PRRC2C: variants seen among roughly 807,000 people sequenced by gnomAD.
PRRC2C encodes proline rich coiled-coil 2C, also known as protein PRRC2C.
Under a neutral mutation model 317.2 loss-of-function variants are expected in PRRC2C, and 72 were observed. The observed-to-expected ratio is 0.23, with a 90% CI of 0.19 to 0.28. The LOEUF is 0.28. Ranked by LOEUF, PRRC2C falls within the 10% of genes least tolerant of loss-of-function variation. The pLI, the probability that PRRC2C is intolerant of heterozygous loss-of-function variation, is 1.00. For synonymous variants in PRRC2C, 1,296 were observed against 1,205.9 expected (o/e 1.07, Z -1.55); for missense variants, 3,074 against 3,459.7 (o/e 0.89, Z 2.80).
Position 171,587,055 on chromosome 1 carries a change from C to T in PRRC2C, c.7802C>T (p.Thr2601Ile), listed in dbSNP as rs1235720423. 1.9e-6 allele frequency: 3 copies of T among 1,611,834 alleles called. No homozygotes were observed. The change falls in exon 31 of 35, where the codon ACA (threonine) becomes ATA (isoleucine). Residue 2601 changes from threonine to isoleucine, a missense_variant. Physicochemically the swap from Thr to Ile is moderately conservative, Grantham distance 89. This residue lies in a region of PRRC2C where 490 missense variants were observed against 663.1 expected (regional missense o/e 0.74). Transcript: ENST00000647382. ...CTTTCCTTGCCTAATTTTGGATCTACAGGGCAACCTCTAATTGCTTTGCCT... is the reference window on the plus strand; with the variant it reads ...CTTTCCTTGCCTAATTTTGGATCTATAGGGCAACCTCTAATTGCTTTGCCT... Reference protein sequence around the residue: ...SQLSLPNFGSTGQPLIALPQT... With the variant: ...SQLSLPNFGSIGQPLIALPQT...
chr1:171,568,372 G>T, intron 23 of PRRC2C, 33 bp downstream of exon 23: 2 of 1,569,338 alleles, frequency 1.3e-6, no homozygotes, highest in Non-Finnish European at 1.7e-6. Context: ...GGCAAGTTTG[G>T]ATTGGAACCT....
chr1:171,490,871 G>A (rs1011613700), intron 1 of PRRC2C, among the ~76,000 whole-genome samples: 2 of 152,150 alleles, frequency 1.3e-5, no homozygotes, highest in African/African-American at 4.8e-5. Context: ...TAAAACCTAG[G>A]TTTAGTCCTT....
At chr1:171,513,987 C>T (rs1002236678) in intron 3 of PRRC2C, among the ~76,000 whole-genome samples, 2 of 152,116 alleles carry the variant, frequency 1.3e-5, no homozygotes, top group Admixed American at 1.3e-4. Flanking sequence ...TAAGCATTAC[C>T]TCATTACAAG....
Position 171,579,413 on chromosome 1 carries a change from T to C in PRRC2C, c.7219T>C (p.Leu2407=), listed in dbSNP as rs980141045. 3.7e-6 allele frequency: 6 copies of C among 1,613,928 alleles called. No homozygotes were observed. Among genetic ancestry groups the C allele is most frequent in the Non-Finnish European group, 5.1e-6 (6 of 1,179,884 alleles). The change falls in exon 27 of 35, where the codon TTG becomes CTG. Residue 2407 remains leucine (L), a synonymous_variant. Coordinates refer to ENST00000647382, the MANE Select transcript of PRRC2C (RefSeq NM_001387844.1). ...SHLFNTQHAR[L]APPSLAQQQG... Reference sequence around the variant, plus strand: ...TTTATTCAATACCCAACATGCACGATTGGCTCCGCCATCCTTGGCTCAACA... The same window carrying C: ...TTTATTCAATACCCAACATGCACGACTGGCTCCGCCATCCTTGGCTCAACA...
rs1677697360 is a variant in PRRC2C, at chr1:171,540,147, A to G, written c.2681A>G (p.Gln894Arg). ...CCTCACCATACTGATGCAAATAATC[A>G]GTCTGCTTGTTTTGAAGCACCTGAT... Reference protein sequence around the residue: ...VRPHHTDANNQSACFEAPDQK... With the variant: ...VRPHHTDANNRSACFEAPDQK... The change falls in exon 16 of 35, where the codon CAG becomes CGG. Residue 894 changes from glutamine (Q) to arginine (R), a missense_variant. Gln to Arg is a conservative substitution (Grantham distance 43). Around this residue, in one of 11 missense-constraint regions of PRRC2C, gnomAD observed 1,320 missense variants for 1,395.7 expected, o/e 0.95. Coordinates refer to ENST00000647382, the MANE Select transcript of PRRC2C (RefSeq NM_001387844.1). 1 of 1,613,884 alleles carries G rather than the reference A, an allele frequency of 6.2e-7. No homozygotes were observed. Among genetic ancestry groups the G allele is most frequent in the South Asian group, 1.1e-5 (1 of 91,082 alleles).
chr1:171,582,070 C>T (rs962295509), intron 28 of PRRC2C, among the ~76,000 whole-genome samples: 1 of 152,120 alleles, frequency 6.6e-6, no homozygotes, highest in Non-Finnish European at 1.5e-5. Flanking sequence ...CTGACATGAG[C>T]TACTACTGTG....
Position 171,523,337 on chromosome 1 carries a change from C to T in PRRC2C, c.950C>T (p.Ala317Val), listed in dbSNP as rs1262591087. 5 of 1,613,788 alleles carry T rather than the reference C, an allele frequency of 3.1e-6. No individual in the cohort carries two copies. Among genetic ancestry groups the T allele is most frequent in the East Asian group, 4.5e-5 (2 of 44,880 alleles). ...AAATTTGATAACCTAGATGCTGAAG[C>T]TGATGAAGGTTGGGCAGGTAAGAGG... ...LDKFDNLDAE[A>V]DEGWAGAQME... Residue 317 changes from alanine (A) to valine (V), a missense_variant, in exon 8 of 35, where the codon GCT becomes GTT. Physicochemically the swap from Ala to Val is moderately conservative, Grantham distance 64. Coordinates refer to ENST00000647382, the MANE Select transcript of PRRC2C (RefSeq NM_001387844.1).
At chr1:171,530,243 CTTTTTTTTTTTT>C (rs778215422) in intron 11 of PRRC2C, among the ~76,000 whole-genome samples, 1 of 63,286 alleles carries the variant, frequency 1.6e-5, no homozygotes, top group Non-Finnish European at 2.9e-5. Context: ...TGTAGCTGGG[CTTTTTTTTTTTT>C]TTTTTTTTTT....
At chr1:171,571,283 ATAGT>A in intron 23 of PRRC2C, 33 bp from the exon 24 acceptor site, 1 of 1,246,606 alleles carries the variant, frequency 8.0e-7, no homozygotes, top group Non-Finnish European at 1.2e-6. Context: ...TAGTAGACAC[ATAGT>A]TAGATTGTGA....
At chr1:171,491,960 T>C (rs954990528) in intron 1 of PRRC2C, among the ~76,000 whole-genome samples, 1 of 152,186 alleles carries the variant, frequency 6.6e-6, no homozygotes, top group Non-Finnish European at 1.5e-5. Flanking sequence ...TAGCTCTTAA[T>C]TGAAGAAGCA....
chr1:171,562,252 G>A (rs1682853989), intron 20 of PRRC2C, among the ~76,000 whole-genome samples: 1 of 152,144 alleles, frequency 6.6e-6, no homozygotes, highest in African/African-American at 2.4e-5. Context: ...GTTTGTTTGA[G>A]GAAGTTCAGG....
At chr1:171,587,502 A>G (rs1650311161) in intron 31 of PRRC2C, 146 bp from the exon 32 acceptor site, 3 of 636,138 alleles carry the variant, frequency 4.7e-6, no homozygotes, top group Middle Eastern at 3.8e-4. Flanking sequence ...AGGTAATTCC[A>G]TAATACTTGA....
chr1:171,550,524 T>G (rs1349173533), intron 18 of PRRC2C, among the ~76,000 whole-genome samples: 3 of 151,884 alleles, frequency 2.0e-5, no homozygotes, highest in Non-Finnish European at 2.9e-5. Context: ...ACATGCAGGT[T>G]TGTTACATAT....
At position 171,566,826 on chromosome 1, in the gene PRRC2C, T is replaced by A; in HGVS notation, c.6541T>A (p.Tyr2181Asn). Reference protein sequence around the residue: ...GTMISVSSAEYGTNAKESVTD... With the variant: ...GTMISVSSAENGTNAKESVTD... The stretch of plus-strand genomic sequence containing the variant: ...AATGATCTCGGTATCATCTGCAGAA[T>A]ATGGTACTAATGCAAAGGTAAGCCA... Residue 2181 changes from tyrosine to asparagine, a missense_variant, in exon 22 of 35, where the codon TAT (tyrosine) becomes AAT (asparagine). By Grantham distance (143) the Tyr-to-Asn change is moderately radical. Coordinates refer to ENST00000647382, the MANE Select transcript of PRRC2C (RefSeq NM_001387844.1). 5 of 1,613,016 alleles carry A rather than the reference T, an allele frequency of 3.1e-6. No homozygotes were observed. The highest frequency in any genetic ancestry group is 3.4e-6 in the Non-Finnish European group (4 of 1,179,686).
chr1:171,540,539 G>A lies in PRRC2C; in HGVS notation c.3073G>A (p.Asp1025Asn). Reference sequence around the variant, plus strand: ...TCCCATTAAAAAACCTGTACTTAGAGATATGAAAGAGGAACGGGAACAGAG... The same window carrying A: ...TCCCATTAAAAAACCTGTACTTAGAAATATGAAAGAGGAACGGGAACAGAG... Reference protein sequence around the residue: ...SGPIKKPVLRDMKEEREQRKE... With the variant: ...SGPIKKPVLRNMKEEREQRKE... Residue 1025 changes from aspartate (D) to asparagine (N), a missense_variant, in exon 16 of 35, where the codon GAT becomes AAT. Physicochemically the swap from Asp to Asn is conservative, Grantham distance 23. Around this residue, in one of 11 missense-constraint regions of PRRC2C, gnomAD observed 1,320 missense variants for 1,395.7 expected, o/e 0.95. Coordinates refer to ENST00000647382, the MANE Select transcript of PRRC2C (RefSeq NM_001387844.1). The A allele has an allele frequency of 6.2e-7, 1 of 1,613,676 alleles. No individual in the cohort carries two copies. Among genetic ancestry groups the A allele is most frequent in the Non-Finnish European group, 8.5e-7 (1 of 1,179,820 alleles).
intron 4 of PRRC2C, among the ~76,000 whole-genome samples, chr1:171,515,253 G>A (rs1298264121): frequency 6.6e-6 from 1 of 152,238 alleles, no homozygotes; most frequent in Non-Finnish European, 1.5e-5. Flanking sequence ...GAAGTTGGGT[G>A]AATAGTGAGG....
chr1:171,568,210 G>T, intron 22 of PRRC2C, 37 bp from the exon 23 acceptor site: 1 of 1,548,840 alleles, frequency 6.5e-7, no homozygotes, highest in Non-Finnish European at 8.7e-7. Flanking sequence ...AATTAATTCA[G>T]TTTAAAATGT....
chr1:171,507,910 A>G (rs1176267530), intron 1 of PRRC2C, among the ~76,000 whole-genome samples: 2 of 152,158 alleles, frequency 1.3e-5, no homozygotes, highest in Admixed American at 1.3e-4. Context: ...TTGATGCTCT[A>G]GTAAATGGGA....
intron 1 of PRRC2C, among the ~76,000 whole-genome samples, chr1:171,503,728 T>C (rs1669620280): frequency 6.6e-6 from 1 of 152,194 alleles, no homozygotes; most frequent in African/African-American, 2.4e-5. Flanking sequence ...TGTTCTCACA[T>C]GGCTAAAGAC....
Sources: allele counts gnomAD v4.1 joint callset (sites outside exome capture counted in the v4.1 genomes callset), GRCh38; gene constraint gnomAD v4.1.1; regional missense constraint gnomAD v4.1.1; transcripts MANE v1.5; gene names NCBI Gene and HGNC (gene_info 2026-07-23, HGNC 2026-07-21).